The following CMTM8 variants were observed in gnomAD, a reference collection of about 807,000 sequenced individuals.
CMTM8 encodes the protein CKLF-like MARVEL transmembrane domain-containing protein 8.
Under a neutral mutation model 18.6 loss-of-function variants are expected in CMTM8, and 12 were observed. The ratio of observed to expected loss-of-function variants is 0.65; its 90% CI spans 0.41 to 1.05. The LOEUF (loss-of-function observed/expected upper bound fraction) is 1.05. Ranked by LOEUF, CMTM8 falls within the 50% of genes least tolerant of loss-of-function variation. CMTM8 has a pLI of 0.00. For synonymous variants in CMTM8, 87 were observed against 90.6 expected, an observed-to-expected ratio of 0.96 and a Z score of 0.23; for missense variants, 217 against 227.2, an observed-to-expected ratio of 0.95 and a Z score of 0.29.
rs1303033146 is a variant in CMTM8, at chr3:32,314,913, G to C, written c.148-42460G>C. On this transcript the variant is annotated intron_variant, in intron 1 of 3. Transcript: ENST00000307526. The stretch of plus-strand genomic sequence containing the variant: ...GGAGATATTGATAGCCTTGTACACA[G>C]ATCTTTATTTTTTTTTTGCGTTCTA... Among the ~76,000 whole-genome samples, 9 of 24,452 alleles carry C rather than the reference G, an allele frequency of 3.7e-4. No homozygotes were observed. The Admixed American group carries it at 6.1e-3, about 17-fold the overall frequency. 16.0% of individuals were successfully genotyped at this position (24,452 alleles called of 152,430 possible). A position where few individuals can be genotyped will look rare whatever the true frequency, so the allele number is the denominator to read the frequency against.
intron 1 of CMTM8, among the ~76,000 whole-genome samples, chr3:32,255,559 G>C (rs1702165056): frequency 1.3e-5 from 2 of 151,990 alleles, no homozygotes; most frequent in African/African-American, 4.8e-5. Flanking sequence ...TCATTTTGCT[G>C]GAGGTACCTT....
chr3:32,289,535 G>A (rs938176391), intron 1 of CMTM8, among the ~76,000 whole-genome samples: 5 of 152,156 alleles, frequency 3.3e-5, no homozygotes, highest in African/African-American at 1.2e-4. Context: ...GGCTAGGAGA[G>A]GGGAGAGAAT....
At chr3:32,244,556 T>C (rs1701986574) in intron 1 of CMTM8, among the ~76,000 whole-genome samples, 1 of 152,238 alleles carries the variant, frequency 6.6e-6, no homozygotes, top group African/African-American at 2.4e-5. Flanking sequence ...TTATACTTTT[T>C]TCTTTGCATA....
intron 1 of CMTM8, among the ~76,000 whole-genome samples, chr3:32,335,593 G>A (rs758351741): frequency 2.0e-5 from 3 of 152,158 alleles, no homozygotes; most frequent in Non-Finnish European, 4.4e-5. Flanking sequence ...GGACCCTACT[G>A]ATCCTGGTGC....
chr3:32,286,750 C>T (rs1159672588), intron 1 of CMTM8, among the ~76,000 whole-genome samples: 4 of 152,014 alleles, frequency 2.6e-5, no homozygotes, highest in South Asian at 2.1e-4. Context: ...CTAACACTAA[C>T]GGTAGCTGAT....
chr3:32,259,036 A>G (rs1702215740), intron 1 of CMTM8: 1 of 367,358 alleles, frequency 2.7e-6, no homozygotes, highest in Non-Finnish European at 5.2e-6. Context: ...TCAGCAGTGC[A>G]GCAAGCATCT....
chr3:32,287,978 A>G (rs1485536443), intron 1 of CMTM8, among the ~76,000 whole-genome samples: 1 of 152,256 alleles, frequency 6.6e-6, no homozygotes, highest in Non-Finnish European at 1.5e-5. Context: ...CTTTAAAAAA[A>G]AAGTATTTAC....
rs1371049808 is a variant in CMTM8 at position 32,367,922 on chromosome 3, T to C, written c.372T>C (p.Val124=). The C allele has an allele frequency of 6.2e-7, 1 of 1,614,028 alleles. No individual in the cohort carries two copies. Among genetic ancestry groups the C allele is most frequent in the Non-Finnish European group, 8.5e-7 (1 of 1,180,012 alleles). ...SAFVLYLSAA[V]VDASSVSPER... is the part of the protein sequence containing the mutation. ...TCGTCTTGTACCTCTCTGCCGCTGT[T>C]GTAGATGCATCTTCCGTCTCCCCTG... Residue 124 remains valine, a synonymous_variant, in exon 3 of 4, where the codon GTT becomes GTC. Coordinates refer to ENST00000307526, the MANE Select transcript of CMTM8 (RefSeq NM_178868.5).
At chr3:32,346,009 C>T (rs2125591985) in intron 1 of CMTM8, among the ~76,000 whole-genome samples, 1 of 152,302 alleles carries the variant, frequency 6.6e-6, no homozygotes, top group East Asian at 1.9e-4. Flanking sequence ...ACAAAATTAG[C>T]TGGGCGTGGT....
At chr3:32,349,962 C>G (rs553447827) in intron 1 of CMTM8, among the ~76,000 whole-genome samples, 6 of 152,004 alleles carry the variant, frequency 3.9e-5, no homozygotes, top group South Asian at 4.1e-4. Flanking sequence ...GAGCCAAGAT[C>G]GCAGCACTGT....
chr3:32,368,897 C>T (rs534549846), intron 3 of CMTM8, among the ~76,000 whole-genome samples: 3 of 152,182 alleles, frequency 2.0e-5, no homozygotes, highest in African/African-American at 7.2e-5. Context: ...AGAAGCCTAT[C>T]GGGGGAAGGA....
intron 1 of CMTM8, among the ~76,000 whole-genome samples, chr3:32,312,584 C>T (rs1695841034): frequency 6.6e-6 from 1 of 152,166 alleles, no homozygotes; most frequent in African/African-American, 2.4e-5. Context: ...TGTTCTTCCT[C>T]ACCAACCTTG....
At chr3:32,327,599 A>G (rs756604320) in intron 1 of CMTM8, among the ~76,000 whole-genome samples, 1 of 152,230 alleles carries the variant, frequency 6.6e-6, no homozygotes, top group African/African-American at 2.4e-5. Flanking sequence ...GATTCAGCAT[A>G]TAGGGCTTTC....
chr3:32,275,747 T>A (rs939253687), intron 1 of CMTM8, among the ~76,000 whole-genome samples: 7 of 145,150 alleles, frequency 4.8e-5, no homozygotes, highest in Admixed American at 2.9e-4. Context: ...CCTCCAGGGC[T>A]CAAGCAATTC....
intron 1 of CMTM8, among the ~76,000 whole-genome samples, chr3:32,319,074 A>ATATATATATATATATATATTTTTTTTTTT: frequency 3.2e-5 from 1 of 31,526 alleles, no homozygotes; most frequent in Non-Finnish European, 5.1e-5. Context: ...ATATATATAT[A>ATATATATATATATATATATTTTTTTTTTT]TTTTTTTTTT....
chr3:32,254,414 AT>A (rs1702152094), intron 1 of CMTM8, among the ~76,000 whole-genome samples: 1 of 152,110 alleles, frequency 6.6e-6, no homozygotes, highest in South Asian at 2.1e-4. Flanking sequence ...ATATAGTTAG[AT>A]TTTATTTGTA....
chr3:32,270,951 CCA>C (rs1440854853), intron 1 of CMTM8, among the ~76,000 whole-genome samples: 19 of 152,196 alleles, frequency 1.2e-4, no homozygotes, highest in African/African-American at 4.6e-4. Flanking sequence ...TCCAAATTCC[CCA>C]AAGGTCACTA....
rs991658253 is a variant in CMTM8, at chr3:32,370,066, A to G, written c.*99A>G. On this transcript the variant is annotated 3_prime_UTR_variant, in exon 4 of 4. Transcript: ENST00000307526. ...TATTCCCAGAGAATTGTATTTAACT[A>G]ATTAATGTTTTTTATATTCTTAAAT... The G allele has an allele frequency of 3.2e-6, 2 of 629,772 alleles. No individual in the cohort carries two copies. Among genetic ancestry groups the G allele is most frequent in the Non-Finnish European group, 5.3e-6 (2 of 380,782 alleles). The allele number at this position is 629,772 out of a possible 1,614,324, so 39.0% of individuals were successfully genotyped here. A position where few individuals can be genotyped will look rare whatever the true frequency, so the allele number is the denominator to read the frequency against.
intron 1 of CMTM8, among the ~76,000 whole-genome samples, chr3:32,264,788 G>T (rs1702311153): frequency 1.3e-5 from 2 of 152,050 alleles, no homozygotes; most frequent in South Asian, 4.1e-4. Flanking sequence ...CAAAAAAAAG[G>T]CAGGTGTTGC....
Sources: allele counts gnomAD v4.1 joint callset (sites outside exome capture counted in the v4.1 genomes callset), GRCh38; gene constraint gnomAD v4.1.1; transcripts MANE v1.5; gene names NCBI Gene and HGNC (gene_info 2026-07-23, HGNC 2026-07-21).